OTOGL: variants seen among roughly 807,000 people sequenced by gnomAD.
The protein encoded by OTOGL is otogelin like.
In OTOGL, 285 loss-of-function variants were observed where a neutral mutation model predicts 318.5. The observed-to-expected ratio is 0.89, with a 90% CI of 0.81 to 0.99. OTOGL has a LOEUF of 0.99. OTOGL is among the 50% of genes least tolerant of loss of function. The pLI is 0.00. For missense variants in OTOGL, 2,899 were observed against 2,845.6 expected, an observed-to-expected ratio of 1.02 and a Z score of -0.43; for synonymous variants, 987 against 936.5, an observed-to-expected ratio of 1.05 and a Z score of -0.99.
At chr12:80,289,369 G>A (rs1884870824) in intron 26 of OTOGL, among the ~76,000 whole-genome samples, 1 of 152,202 alleles carries the variant, frequency 6.6e-6, no homozygotes, top group Non-Finnish European at 1.5e-5. Flanking sequence ...AGGAGGCACA[G>A]GGGTCAGGGA....
chr12:80,149,308 C>G (rs1872614110), intron 1 of OTOGL, among the ~76,000 whole-genome samples: 1 of 151,068 alleles, frequency 6.6e-6, no homozygotes, highest in African/African-American at 2.4e-5. Context: ...TTGGAGTACC[C>G]TGCGGTGTGA....
chr12:80,103,920 T>A (rs1869297676), intron 1 of OTOGL, among the ~76,000 whole-genome samples: 1 of 152,350 alleles, frequency 6.6e-6, no homozygotes, highest in African/African-American at 2.4e-5. Flanking sequence ...CAGTACTTTT[T>A]AAAATGTGAT....
At chr12:80,170,207 G>A (rs1261105791) in intron 1 of OTOGL, among the ~76,000 whole-genome samples, 19 of 115,144 alleles carry the variant, frequency 1.7e-4, no homozygotes, top group Admixed American at 3.1e-4. Context: ...GTGTGTGTGT[G>A]TGTGTGTATG....
At chr12:80,338,400 T>C (rs548759892) in intron 42 of OTOGL, among the ~76,000 whole-genome samples, 36 of 152,110 alleles carry the variant, frequency 2.4e-4, no homozygotes, top group Non-Finnish European at 4.7e-4. Context: ...AAATGAGACA[T>C]TGAATGGTTG....
intron 9 of OTOGL, among the ~76,000 whole-genome samples, chr12:80,237,334 G>A (rs972318588): frequency 6.6e-6 from 1 of 152,106 alleles, no homozygotes; most frequent in South Asian, 2.1e-4. Context: ...ATTTTTGTGA[G>A]CAATAGCAGC....
intron 9 of OTOGL, among the ~76,000 whole-genome samples, chr12:80,236,493 A>G (rs1445827580): frequency 6.6e-6 from 1 of 152,198 alleles, no homozygotes; most frequent in Non-Finnish European, 1.5e-5. Context: ...AAAAGCTGCA[A>G]TTAAAGTGAA....
chr12:80,112,330 A>G (rs2137082033), intron 1 of OTOGL, among the ~76,000 whole-genome samples: 1 of 152,290 alleles, frequency 6.6e-6, no homozygotes, highest in Non-Finnish European at 1.5e-5. Flanking sequence ...CCAGTTTTCA[A>G]ACAGAATGCT....
Position 80,353,451 on chromosome 12 carries a change from A to G in OTOGL, c.5534A>G (p.Lys1845Arg), listed in dbSNP as rs755635439. 1 of 1,604,494 alleles carries G rather than the reference A, an allele frequency of 6.2e-7. No individual in the cohort carries two copies. Among genetic ancestry groups the G allele is most frequent in the South Asian group, 1.1e-5 (1 of 88,880 alleles). Residue 1845 changes from lysine (K) to arginine (R), a missense_variant, in exon 46 of 59, where the codon AAA becomes AGA. Physicochemically the swap from Lys to Arg is conservative, Grantham distance 26 (BLOSUM62 2). Coordinates refer to ENST00000547103, the MANE Select transcript of OTOGL (RefSeq NM_001378609.3). ...AATCTAAGAGAAGACTGTGTGTGCAAAGTTGGAACTATTCTTCACAGGCCA... is the reference window on the plus strand; with the variant it reads ...AATCTAAGAGAAGACTGTGTGTGCAGAGTTGGAACTATTCTTCACAGGCCA... ...CLNLREDCVC[K>R]VGTILHRPHS...
At chr12:80,141,067 C>G (rs1871904191) in intron 1 of OTOGL, among the ~76,000 whole-genome samples, 1 of 152,078 alleles carries the variant, frequency 6.6e-6, no homozygotes, top group African/African-American at 2.4e-5. Context: ...GTAGCTCTTG[C>G]AGGTGTTTAT....
chr12:80,276,540 G>A (rs1883822235), intron 24 of OTOGL, among the ~76,000 whole-genome samples: 1 of 151,730 alleles, frequency 6.6e-6, no homozygotes, highest in African/African-American at 2.4e-5. Context: ...TAGGGAGTAT[G>A]TGAAGGAGCT....
intron 26 of OTOGL, among the ~76,000 whole-genome samples, chr12:80,289,795 C>T (rs1017561748): frequency 6.6e-6 from 1 of 152,140 alleles, no homozygotes; most frequent in African/African-American, 2.4e-5. Flanking sequence ...GTGCTGGCAG[C>T]GAGAATTTCA....
chr12:80,256,509 C>CAAACAAAT lies in OTOGL; in HGVS notation c.1711+56_1711+57insTAAACAAA, dbSNP rs1555286192. The CAAACAAAT allele has an allele frequency of 3.0e-5, 45 of 1,514,952 alleles. 2 individuals carry two copies. The South Asian group carries it at 5.5e-4, about 18-fold the overall frequency. 93.8% of individuals were successfully genotyped at this position (1,514,952 alleles called of 1,614,324 possible). On this transcript the variant is annotated intron_variant, in intron 17 of 58. Coordinates refer to ENST00000547103, the MANE Select transcript of OTOGL (RefSeq NM_001378609.3). ...ACTTTCTTTACATCAAACAAACAAA[C>CAAACAAAT]AAACAAACAAACAACACACGCAAAC...
chr12:80,143,831 T>G (rs1015484920), intron 1 of OTOGL, among the ~76,000 whole-genome samples: 1 of 152,140 alleles, frequency 6.6e-6, no homozygotes, highest in Non-Finnish European at 1.5e-5. Flanking sequence ...ATTTATAGAA[T>G]AGTGATTTTG....
intron 1 of OTOGL, among the ~76,000 whole-genome samples, chr12:80,112,047 T>A (rs77464839): frequency 0.048 from 7,271 of 152,188 alleles, 579 homozygotes; most frequent in African/African-American, 0.16. Flanking sequence ...GGCTCTCTGT[T>A]TGTCTATAAT....
intron 1 of OTOGL, among the ~76,000 whole-genome samples, chr12:80,139,229 C>A (rs971301200): frequency 3.3e-5 from 5 of 152,096 alleles, no homozygotes; most frequent in Admixed American, 2.0e-4. Flanking sequence ...TGCATTTCTG[C>A]GGTAGGATCT....
At chr12:80,243,663 C>G (rs971764166) in intron 11 of OTOGL, among the ~76,000 whole-genome samples, 1 of 151,148 alleles carries the variant, frequency 6.6e-6, no homozygotes, top group African/African-American at 2.4e-5. Context: ...TTGATATAAT[C>G]ATAAACTGGA....
intron 1 of OTOGL, among the ~76,000 whole-genome samples, chr12:80,120,151 TG>T (rs1243251948): frequency 6.6e-6 from 1 of 152,132 alleles, no homozygotes; most frequent in African/African-American, 2.4e-5. Flanking sequence ...CCACAACATT[TG>T]GCCAATCATA....
intron 18 of OTOGL, 37 bp from the exon 19 acceptor site, chr12:80,261,932 G>C (rs1320181981): frequency 1.9e-6 from 3 of 1,597,356 alleles, no homozygotes; most frequent in Non-Finnish European, 2.6e-6. Flanking sequence ...AAATGAATGA[G>C]AGATACATGA....
At chr12:80,278,998 AG>A in intron 25 of OTOGL, 29 bp from the exon 26 acceptor site, 20 of 1,257,768 alleles carry the variant, frequency 1.6e-5, no homozygotes, top group Middle Eastern at 2.0e-4. Flanking sequence ...TCGTTTCTTT[AG>A]AAAGGTAACT....
Sources: gnomAD v4.1 joint callset for allele counts (sites outside exome capture counted in the v4.1 genomes callset) on GRCh38, gnomAD v4.1.1 for gene constraint, MANE v1.5 for transcripts, NCBI Gene and HGNC (gene_info 2026-07-23, HGNC 2026-07-21) for gene names.